PTPRD: variants seen among roughly 807,000 people sequenced by gnomAD.
PTPRD encodes the protein receptor-type tyrosine-protein phosphatase delta.
A neutral mutation model predicts 214.5 loss-of-function variants in PTPRD; 34 were observed. The ratio of observed to expected loss-of-function variants is 0.16; its 90% CI spans 0.12 to 0.21. The LOEUF (loss-of-function observed/expected upper bound fraction) is 0.21, where lower values mean the gene tolerates loss of function less well. PTPRD is among the 10% of genes least tolerant of loss of function. The pLI is 1.00. For missense variants in PTPRD, 2,545 were observed against 2,398.7 expected (o/e 1.06, Z -1.27); for synonymous variants, 1,128 against 845.7 (o/e 1.33, Z -5.79).
rs869096131 is a variant in PTPRD, at chr9:9,976,689, CAAAAAAA to C, written c.-471-38086_-471-38080del. Among the ~76,000 whole-genome samples, 11 of 63,270 alleles carry C rather than the reference CAAAAAAA, an allele frequency of 1.7e-4. 1 individual carries two copies. In the East Asian group the frequency reaches 4.1e-3, roughly 23 times the overall value. 41.5% of individuals were successfully genotyped at this position (63,270 alleles called of 152,430 possible). A position where few individuals can be genotyped will look rare whatever the true frequency, so the allele number is the denominator to read the frequency against. On this transcript the variant is annotated intron_variant, in intron 4 of 45. Transcript: ENST00000381196. The stretch of plus-strand genomic sequence containing the variant: ...GGTGTGAGCCACTACACCCTGCCAC[CAAAAAAA>C]AAAAAAAAAAAAAAAATTTACTTTT...
chr9:9,867,473 C>A (rs1326358636), intron 5 of PTPRD, among the ~76,000 whole-genome samples: 3 of 151,940 alleles, frequency 2.0e-5, no homozygotes, highest in African/African-American at 4.8e-5. Context: ...ACATAATAAA[C>A]ATATTTTCCT....
At chr9:9,526,618 C>G (rs895047910) in intron 8 of PTPRD, among the ~76,000 whole-genome samples, 3 of 152,044 alleles carry the variant, frequency 2.0e-5, no homozygotes, top group Non-Finnish European at 4.4e-5. Flanking sequence ...TTGGACATAA[C>G]TTTAATGCCA....
intron 11 of PTPRD, among the ~76,000 whole-genome samples, chr9:8,806,144 C>T (rs1022875029): frequency 6.6e-5 from 10 of 151,266 alleles, no homozygotes; most frequent in African/African-American, 2.4e-4. Flanking sequence ...AGGCTGGTCT[C>T]GAACTCCTGA....
intron 14 of PTPRD, among the ~76,000 whole-genome samples, chr9:8,559,920 T>C (rs941173548): frequency 1.3e-4 from 20 of 152,224 alleles, no homozygotes; most frequent in South Asian, 4.1e-4. Flanking sequence ...TGCAGAATAG[T>C]GTTTATTGAA....
At chr9:10,135,679 C>A (rs947096578) in intron 3 of PTPRD, among the ~76,000 whole-genome samples, 2 of 152,020 alleles carry the variant, frequency 1.3e-5, no homozygotes, top group Admixed American at 1.3e-4. Context: ...AACCAAACAA[C>A]ACATAAATTT....
chr9:10,260,239 T>A (rs1371971263), intron 3 of PTPRD, among the ~76,000 whole-genome samples: 1 of 152,204 alleles, frequency 6.6e-6, no homozygotes, highest in Non-Finnish European at 1.5e-5. Context: ...GTCCAGAATG[T>A]GGGTCAGTAC....
intron 14 of PTPRD, among the ~76,000 whole-genome samples, chr9:8,617,983 G>C (rs2095667901): frequency 6.6e-6 from 1 of 152,064 alleles, no homozygotes; most frequent in South Asian, 2.1e-4. Flanking sequence ...CCCACTTAAA[G>C]CTCTTGATTT....
chr9:8,552,546 G>A (rs944020400), intron 14 of PTPRD, among the ~76,000 whole-genome samples: 3 of 152,086 alleles, frequency 2.0e-5, no homozygotes, highest in Admixed American at 6.6e-5. Flanking sequence ...GAGACTTCTC[G>A]CAGCTTCAGG....
At chr9:8,517,315 G>A (rs1563999584) in intron 21 of PTPRD, among the ~76,000 whole-genome samples, 1 of 152,102 alleles carries the variant, frequency 6.6e-6, no homozygotes, top group African/African-American at 2.4e-5. Flanking sequence ...TGAGATCTCG[G>A]TAACTGTCTC....
intron 8 of PTPRD, among the ~76,000 whole-genome samples, chr9:9,427,927 AG>A (rs1283828742): frequency 2.0e-5 from 3 of 152,344 alleles, no homozygotes; most frequent in African/African-American, 7.2e-5. Context: ...AAACGTGGAA[AG>A]GAACAACCGT....
intron 4 of PTPRD, among the ~76,000 whole-genome samples, chr9:9,981,672 T>C (rs2095548997): frequency 6.6e-6 from 1 of 152,086 alleles, no homozygotes; most frequent in Non-Finnish European, 1.5e-5. Flanking sequence ...CGATTCTACA[T>C]TCTTAATATG....
chr9:8,430,346 T>G (rs2094959949), intron 35 of PTPRD, among the ~76,000 whole-genome samples: 1 of 152,082 alleles, frequency 6.6e-6, no homozygotes, highest in South Asian at 2.1e-4. Context: ...CTCAGCTCAC[T>G]GCAGACTCAA....
In PTPRD at chr9:8,532,061, T is replaced by G. The variant is rs886817695; in HGVS notation, c.353-3282A>C. ...ATGGGACAGAAAATGTAAAGAGCGT[T>G]CCTTTCTTATTTTTAATAAGGGTAA... On this transcript the variant is annotated intron_variant, in intron 14 of 45. Coordinates refer to ENST00000381196, the MANE Select transcript of PTPRD (RefSeq NM_002839.4). Among the ~76,000 whole-genome samples, 7 of 152,044 alleles carry G rather than the reference T, an allele frequency of 4.6e-5. No individual in the cohort carries two copies. The East Asian group carries it at 1.4e-3, about 29-fold the overall frequency.
intron 12 of PTPRD, among the ~76,000 whole-genome samples, chr9:8,715,466 T>C (rs2098421470): frequency 6.6e-6 from 1 of 152,140 alleles, no homozygotes; most frequent in African/African-American, 2.4e-5. Flanking sequence ...AGAAGCTGCA[T>C]AAAATTAAAA....
In PTPRD at chr9:8,934,460, TATAA is replaced by T. The variant is rs1442080368; in HGVS notation, c.-104+84233_-104+84236del. On this transcript the variant is annotated intron_variant, in intron 11 of 45. Coordinates refer to ENST00000381196, the MANE Select transcript of PTPRD (RefSeq NM_002839.4). Reference sequence around the variant, plus strand: ...AAATATATATATAAATTTATATATATATAAATATATATATATAAATATATATATA... The same window carrying T: ...AAATATATATATAAATTTATATATATATATATATATATAAATATATATATA... Among the ~76,000 whole-genome samples the T allele has an allele frequency of 1.8e-3, 23 of 12,908 alleles. 1 individual carries two copies. The highest frequency in any genetic ancestry group is 1.5e-3 in the Admixed American group (1 of 682). The allele number at this position is 12,908 out of a possible 152,430, so 8.5% of individuals were successfully genotyped here.
chr9:9,973,776 C>A (rs2095245936), intron 4 of PTPRD, among the ~76,000 whole-genome samples: 1 of 150,112 alleles, frequency 6.7e-6, no homozygotes, highest in African/African-American at 2.5e-5. Flanking sequence ...AGTAAGGAGT[C>A]TTTTTTTTTC....
chr9:8,735,579 C>T (rs964797075), intron 11 of PTPRD, among the ~76,000 whole-genome samples: 1 of 152,102 alleles, frequency 6.6e-6, no homozygotes, highest in African/African-American at 2.4e-5. Context: ...CATGGGAAAC[C>T]ATCTTCTATT....
chr9:8,373,102 T>C (rs2082043673), intron 39 of PTPRD, among the ~76,000 whole-genome samples: 1 of 152,080 alleles, frequency 6.6e-6, no homozygotes, highest in Non-Finnish European at 1.5e-5. Flanking sequence ...AACATGGCTA[T>C]TGTGGCTTTT....
At chr9:9,039,869 C>G (rs2099633867) in intron 10 of PTPRD, among the ~76,000 whole-genome samples, 2 of 152,016 alleles carry the variant, frequency 1.3e-5, no homozygotes, top group Admixed American at 1.3e-4. Context: ...TATCTGAGCT[C>G]AAAGCTGGTG....
Sources: gnomAD v4.1 joint callset for allele counts (sites outside exome capture counted in the v4.1 genomes callset) on GRCh38, gnomAD v4.1.1 for gene constraint, MANE v1.5 for transcripts, NCBI Gene and HGNC (gene_info 2026-07-23, HGNC 2026-07-21) for gene names.